The following PLD2 variants were observed in gnomAD, a reference collection of about 807,000 sequenced individuals.
PLD2 encodes choline phosphatase 2.
Under a neutral mutation model 119.8 loss-of-function variants are expected in PLD2, and 101 were observed. The ratio of observed to expected loss-of-function variants is 0.84; its 90% CI spans 0.72 to 0.99. The LOEUF is 0.99. Among genes scored for constraint, PLD2 ranks in the 50% least tolerant of loss-of-function variants. The probability of loss-of-function intolerance (pLI) is 0.00; values close to 1 mark genes in which losing one functional copy is unlikely to be tolerated. For missense variants in PLD2, 1,164 were observed against 1,226.8 expected (o/e 0.95, Z 0.76); for synonymous variants, 494 against 482.8 (o/e 1.02, Z -0.30).
In PLD2 at chr17:4,819,154, C is replaced by G. The variant is rs746664729; in HGVS notation, c.2244C>G (p.Pro748=). 1.9e-6 allele frequency: 3 copies of G among 1,614,134 alleles called. 1 individual carries two copies. In the South Asian group the frequency reaches 3.3e-5, roughly 18 times the overall value. ...LRTHGELGGH[P]VSELIYIHSK... is the part of the protein sequence containing the mutation. ...CACACGGAGAGCTGGGCGGGCACCC[C>G]GTCTCGGAGCTCATCTACATCCACA... Residue 748 remains proline (P), a synonymous_variant, in exon 22 of 25, where the codon CCC becomes CCG. Transcript: ENST00000263088. This position sits in a 1 kb window ranked among gnomAD's most constrained non-coding sequence, Gnocchi z 4.2.
intron 14 of PLD2, among the ~76,000 whole-genome samples, 164 bp from the exon 15 acceptor site, chr17:4,816,455 TA>T (rs1295218997): frequency 6.6e-6 from 1 of 151,176 alleles, no homozygotes; most frequent in Non-Finnish European, 1.5e-5. Flanking sequence ...CCCATTCCTC[TA>T]AAAGTGTCAA....
At position 4,815,935 on chromosome 17, in the gene PLD2, G is replaced by T. The variant is rs111783835; in HGVS notation, c.1455+1G>T. Reference sequence around the variant, plus strand: ...CTCCTCTGAATCAGCTGCCTCCCAGGTAATCCCCCTGAGGCCTTCCTGAGC... The same window carrying T: ...CTCCTCTGAATCAGCTGCCTCCCAGTTAATCCCCCTGAGGCCTTCCTGAGC... On this transcript the variant is annotated splice_donor_variant, in intron 14 of 24. Coordinates refer to ENST00000263088, the MANE Select transcript of PLD2 (RefSeq NM_002663.5). LOFTEE classifies it high-confidence loss of function. 8.1e-6 allele frequency: 13 copies of T among 1,610,884 alleles called. No individual in the cohort carries two copies. The African/African-American group carries it at 1.6e-4, about 20-fold the overall frequency.
Position 4,815,884 on chromosome 17 carries a change from C to T in PLD2, c.1405C>T (p.His469Tyr). The stretch of plus-strand genomic sequence containing the variant: ...TGCCTATGGCCGCTGGGATGACCTG[C>T]ACTACCGACTGACTGACCTTGGAGA... ...DLAYGRWDDLHYRLTDLGDSS... is the reference protein window; with the variant it reads ...DLAYGRWDDLYYRLTDLGDSS... Residue 469 changes from histidine (H) to tyrosine (Y), a missense_variant, in exon 14 of 25, where the codon CAC (histidine) becomes TAC (tyrosine). His to Tyr is a moderately conservative substitution (Grantham distance 83). Transcript: ENST00000263088. The T allele has an allele frequency of 6.2e-7, 1 of 1,614,108 alleles. No individual in the cohort carries two copies. The highest frequency in any genetic ancestry group is 8.5e-7 in the Non-Finnish European group (1 of 1,179,998).
chr17:4,819,389 C>G lies in PLD2; in HGVS notation c.2309-40C>G, dbSNP rs1446131222. ...GGGGATGGGGTACTGGGGAGAGTGC[C>G]CTGGGCCCAAGCACACAGTGTGCCC... is the stretch of plus-strand genomic sequence containing the variant. On this transcript the variant is annotated intron_variant, in intron 22 of 24. Transcript: ENST00000263088. This position sits in a 1 kb window ranked among gnomAD's most constrained non-coding sequence, Gnocchi z 4.2. 3 of 1,610,190 alleles carry G rather than the reference C, an allele frequency of 1.9e-6. No homozygotes were observed. The South Asian group carries it at 3.3e-5, about 18-fold the overall frequency.
intron 13 of PLD2, 50 bp downstream of exon 13, chr17:4,815,636 A>T: frequency 6.3e-7 from 1 of 1,579,944 alleles, no homozygotes; most frequent in Non-Finnish European, 8.7e-7. Context: ...TTCTCCCCAC[A>T]CTGTCCCAGC....
At position 4,809,165 on chromosome 17, in the gene PLD2, C is replaced by G. The variant is rs768487562; in HGVS notation, c.449C>G (p.Ala150Gly). The G allele has an allele frequency of 6.2e-7, 1 of 1,614,068 alleles. No homozygotes were observed. The highest frequency in any genetic ancestry group is 1.3e-5 in the African/African-American group (1 of 74,932). ...AGAGAGATGCCCTCTCTACCCCGGGCAGGTCCTGAGGGCTCCACCAGACAT... is the reference window on the plus strand; with the variant it reads ...AGAGAGATGCCCTCTCTACCCCGGGGAGGTCCTGAGGGCTCCACCAGACAT... ...GNREMPSLPRAGPEGSTRHAA... is the reference protein window; with the variant it reads ...GNREMPSLPRGGPEGSTRHAA... Residue 150 changes from alanine (A) to glycine (G), a missense_variant, in exon 5 of 25, where the codon GCA (alanine) becomes GGA (glycine). Coordinates refer to ENST00000263088, the MANE Select transcript of PLD2 (RefSeq NM_002663.5).
intron 12 of PLD2, 22 bp downstream of exon 12, chr17:4,814,733 CA>C: frequency 6.2e-7 from 1 of 1,609,062 alleles, no homozygotes; most frequent in African/African-American, 1.3e-5. Context: ...GGTCAGGCCG[CA>C]GGGGGAGGGG....
rs1445263976 is a variant in PLD2, at chr17:4,810,835, G to A, written c.894G>A (p.Gln298=). The part of the protein sequence containing the change: ...SLILKCSSYR[Q]ARWWAQEITE... Reference sequence around the variant, plus strand: ...TTCTCAAGTGCAGCAGCTACCGGCAGGCACGGTGGTGGGCCCAAGAGATCA... The same window carrying A: ...TTCTCAAGTGCAGCAGCTACCGGCAAGCACGGTGGTGGGCCCAAGAGATCA... The change falls in exon 10 of 25, where the codon CAG becomes CAA. Residue 298 remains glutamine, a synonymous_variant. Transcript: ENST00000263088. 7 of 1,613,350 alleles carry A rather than the reference G, an allele frequency of 4.3e-6. No homozygotes were observed. The highest frequency in any genetic ancestry group is 5.9e-6 in the Non-Finnish European group (7 of 1,179,696).
In PLD2 at chr17:4,807,851, G is replaced by A; in HGVS notation, c.79G>A (p.Val27Met). ...SSQLQMESDE[V>M]DTLKEGEDPA... ...CCAGCTCCAGATGGAGTCCGATGAG[G>A]TGGACACCCTGAAGGAGGGAGAGGA... Residue 27 changes from valine (V) to methionine (M), a missense_variant, in exon 2 of 25, where the codon GTG becomes ATG. Physicochemically the swap from Val to Met is conservative, Grantham distance 21 (BLOSUM62 1). Coordinates refer to ENST00000263088, the MANE Select transcript of PLD2 (RefSeq NM_002663.5). The surrounding 1 kb of genome is among the most constrained non-coding windows in gnomAD (Gnocchi z 5.4). 1 of 1,613,246 alleles carries A rather than the reference G, an allele frequency of 6.2e-7. No individual in the cohort carries two copies. Among genetic ancestry groups the A allele is most frequent in the Non-Finnish European group, 8.5e-7 (1 of 1,179,532 alleles).
chr17:4,807,809 G>T lies in PLD2; in HGVS notation c.37G>T (p.Asp13Tyr). 6.2e-7 allele frequency: 1 copy of T among 1,612,298 alleles called. No homozygotes were observed. Among genetic ancestry groups the T allele is most frequent in the East Asian group, 2.2e-5 (1 of 44,856 alleles). Residue 13 changes from aspartate (D) to tyrosine (Y), a missense_variant, in exon 2 of 25, where the codon GAC (aspartate) becomes TAC (tyrosine). Asp to Tyr is a radical substitution (Grantham distance 160). Transcript: ENST00000263088. This position sits in a 1 kb window ranked among gnomAD's most constrained non-coding sequence, Gnocchi z 5.4. ...CCCTGAGAGCCTCTTCCCCACTGGGGACGAACTGGACTCCAGCCAGCTCCA... is the reference window on the plus strand; with the variant it reads ...CCCTGAGAGCCTCTTCCCCACTGGGTACGAACTGGACTCCAGCCAGCTCCA... ...ATPESLFPTG[D>Y]ELDSSQLQME...
chr17:4,821,734 G>A (rs1475683054), intron 23 of PLD2, 59 bp from the exon 24 acceptor site: 22 of 1,211,774 alleles, frequency 1.8e-5, no homozygotes, highest in East Asian at 4.7e-5. Context: ...TAACTTTTCT[G>A]GTACTCAGGT....
chr17:4,814,640 C>A lies in PLD2; in HGVS notation c.1102C>A (p.Pro368Thr). The change falls in exon 12 of 25, where the codon CCT becomes ACT. Residue 368 changes from proline (P) to threonine (T), a missense_variant. Physicochemically the swap from Pro to Thr is conservative, Grantham distance 38. Transcript: ENST00000263088. ...CACTGCCCTGAATCCCAGGTTGAGT[C>A]CTGAGGTTTACCTGAAGCGTCCGGC... ...EIFITDWWLS[P>T]EVYLKRPAHS... The A allele has an allele frequency of 1.2e-6, 2 of 1,614,062 alleles. No homozygotes were observed. The highest frequency in any genetic ancestry group is 1.7e-6 in the Non-Finnish European group (2 of 1,180,028).
rs1330429021 is a variant in PLD2 at position 4,820,767 on chromosome 17, G to A, written c.2463-1026G>A. On this transcript the variant is annotated intron_variant, in intron 23 of 24. Coordinates refer to ENST00000263088, the MANE Select transcript of PLD2 (RefSeq NM_002663.5). Reference sequence around the variant, plus strand: ...AATTTTTTGTATTTTTAGTAGAGACGGGGTTTCACCGTGTTAGCCAGGATG... The same window carrying A: ...AATTTTTTGTATTTTTAGTAGAGACAGGGTTTCACCGTGTTAGCCAGGATG... 8.8e-5 allele frequency among the ~76,000 whole-genome samples: 13 copies of A among 147,300 alleles called. 1 individual carries two copies. Among genetic ancestry groups the A allele is most frequent in the African/African-American group, 2.5e-4 (10 of 39,878 alleles).
rs557858940 is a variant in PLD2 at position 4,819,968 on chromosome 17, C to T, written c.2462+386C>T. 7.9e-5 allele frequency among the ~76,000 whole-genome samples: 12 copies of T among 151,966 alleles called. No individual in the cohort carries two copies. Among genetic ancestry groups the T allele is most frequent in the South Asian group, 6.2e-4 (3 of 4,824 alleles). On this transcript the variant is annotated intron_variant, in intron 23 of 24. Coordinates refer to ENST00000263088, the MANE Select transcript of PLD2 (RefSeq NM_002663.5). This position sits in a 1 kb window ranked among gnomAD's most constrained non-coding sequence, Gnocchi z 4.2. The stretch of plus-strand genomic sequence containing the variant: ...AGAAAAAAATCTTTTTTTTTTGAGA[C>T]GGAGTTTTGCTCTTGTTGCCCAGGC...
chr17:4,822,551 G>A (rs961450537), intron 24 of PLD2, 89 bp from the exon 25 acceptor site: 8 of 821,528 alleles, frequency 9.7e-6, no homozygotes, highest in African/African-American at 8.5e-5. Context: ...ATGGAGAGAT[G>A]GTATGGGGGA....
At position 4,816,959 on chromosome 17, in the gene PLD2, C is replaced by T. The variant is rs201065170; in HGVS notation, c.1605C>T (p.Thr535=). ...PFEDFIDRET[T]PRMPWRDVGV... ...CAGATTTCATTGACAGGGAGACGAC[C>T]CCTCGGATGCCATGGCGGGACGTTG... The change falls in exon 16 of 25, where the codon ACC becomes ACT. Residue 535 remains threonine, a synonymous_variant. Transcript: ENST00000263088. The T allele has an allele frequency of 2.0e-5, 32 of 1,613,744 alleles. No homozygotes were observed. The East Asian group carries it at 2.0e-4, about 10-fold the overall frequency.
rs1039524308 is a variant in PLD2, at chr17:4,809,306, G to C, written c.498G>C (p.Leu166=). The C allele has an allele frequency of 1.2e-6, 2 of 1,613,892 alleles. No individual in the cohort carries two copies. Among genetic ancestry groups the C allele is most frequent in the African/African-American group, 2.7e-5 (2 of 74,926 alleles). The part of the protein sequence containing the change: ...TRHAASKQKY[L]ENYLNRLLTM... The stretch of plus-strand genomic sequence containing the variant: ...TCTCATCTCCACTTCAGAAATACCT[G>C]GAGAATTACCTCAACCGTCTCTTGA... The change falls in exon 6 of 25, where the codon CTG becomes CTC. Residue 166 remains leucine (L), a synonymous_variant. Transcript: ENST00000263088.
At chr17:4,810,608 G>A (rs531150709) in intron 9 of PLD2, among the ~76,000 whole-genome samples, 194 bp from the exon 10 acceptor site, 9 of 152,206 alleles carry the variant, frequency 5.9e-5, no homozygotes, top group African/African-American at 2.2e-4. Context: ...TCGCACCACT[G>A]CACTCCAGCC....
rs145402498 is a variant in PLD2, at chr17:4,808,013, T to A, written c.139T>A (p.Tyr47Asn). 5.8e-4 allele frequency: 935 copies of A among 1,611,572 alleles called. 1 individual carries two copies. The highest frequency in any genetic ancestry group is 7.2e-4 in the Non-Finnish European group (844 of 1,177,936). The change falls in exon 3 of 25, where the codon TAT (tyrosine) becomes AAT (asparagine). Residue 47 changes from tyrosine (Y) to asparagine (N), a missense_variant. Coordinates refer to ENST00000263088, the MANE Select transcript of PLD2 (RefSeq NM_002663.5). This position sits in a 1 kb window ranked among gnomAD's most constrained non-coding sequence, Gnocchi z 4.1. The stretch of plus-strand genomic sequence containing the variant: ...CCGGATGCACCCGTTTCTGGCCATC[T>A]ATGAGCTTCAGTCTCTGAAAGTGCA... ...ADRMHPFLAI[Y>N]ELQSLKVHPL...
Sources: gnomAD v4.1 joint callset for allele counts (sites outside exome capture counted in the v4.1 genomes callset) on GRCh38, gnomAD v4.1.1 for gene constraint, Gnocchi (gnomAD v3.1) non-coding constraint, MANE v1.5 for transcripts, NCBI Gene and HGNC (gene_info 2026-07-23, HGNC 2026-07-21) for gene names.